Variants in TBXAS1 observed in about 807,000 individuals in gnomAD.
The protein encoded by TBXAS1 is thromboxane-A synthase.
In TBXAS1, 48 loss-of-function variants were observed where a neutral mutation model predicts 60.7. The ratio of observed to expected loss-of-function variants is 0.79; its 90% CI spans 0.63 to 1.01. The LOEUF (loss-of-function observed/expected upper bound fraction) is 1.01. Ranked by LOEUF, TBXAS1 falls within the 50% of genes least tolerant of loss-of-function variation. The pLI is 0.00. For synonymous variants in TBXAS1, 287 were observed against 269.7 expected, an observed-to-expected ratio of 1.06 and a Z score of -0.63; for missense variants, 685 against 686.3, an observed-to-expected ratio of 1.00 and a Z score of 0.02.
intron 6 of TBXAS1, 42 bp downstream of exon 6, chr7:139,953,498 T>A: frequency 6.4e-7 from 1 of 1,568,748 alleles, no homozygotes; most frequent in Non-Finnish European, 8.8e-7. Flanking sequence ...AGTTTTTGAA[T>A]CACTGCTTCT....
chr7:139,972,986 G>A (rs1811319433), intron 9 of TBXAS1, among the ~76,000 whole-genome samples: 2 of 152,148 alleles, frequency 1.3e-5, no homozygotes, highest in Non-Finnish European at 2.9e-5. Context: ...GTGAGTTACT[G>A]CGCCCAGCGA....
intron 3 of TBXAS1, among the ~76,000 whole-genome samples, chr7:139,785,195 T>C (rs2117230111): frequency 6.6e-6 from 1 of 152,256 alleles, no homozygotes; most frequent in South Asian, 2.1e-4. Flanking sequence ...GGCCGTGTCC[T>C]TCTCCCTTCA....
intron 6 of TBXAS1, among the ~76,000 whole-genome samples, chr7:139,954,016 G>GTT (rs927109085): frequency 6.8e-6 from 1 of 147,850 alleles, no homozygotes; most frequent in Non-Finnish European, 1.5e-5. Flanking sequence ...TTTTTTTGCA[G>GTT]TTTTTTTTTT....
chr7:139,822,067 G>T (rs1190452129), intron 4 of TBXAS1, among the ~76,000 whole-genome samples: 2 of 152,166 alleles, frequency 1.3e-5, no homozygotes, highest in South Asian at 4.1e-4. Flanking sequence ...AGGCAGTGTG[G>T]ACAGTTATCA....
intron 4 of TBXAS1, among the ~76,000 whole-genome samples, chr7:139,934,621 C>T (rs1465904145): frequency 6.6e-6 from 1 of 152,198 alleles, no homozygotes; most frequent in Non-Finnish European, 1.5e-5. Flanking sequence ...TGCTGGAGAT[C>T]AGAAGCCTGA....
Position 139,952,708 on chromosome 7 carries a change from A to C in TBXAS1, c.451-660A>C. 2.0e-6 allele frequency: 3 copies of C among 1,506,604 alleles called. No homozygotes were observed. In the South Asian group the frequency reaches 3.8e-5, roughly 19 times the overall value. The allele number at this position is 1,506,604 out of a possible 1,614,324, so 93.3% of individuals were successfully genotyped here. The stretch of plus-strand genomic sequence containing the variant: ...TTCTGTGTAAGTTAGGAATTTTCTA[A>C]CATAAAAGTATTTTCCTATTAAAAA... On this transcript the variant is annotated intron_variant, in intron 5 of 12. Transcript: ENST00000448866.
intron 9 of TBXAS1, among the ~76,000 whole-genome samples, chr7:139,997,241 G>A (rs891431458): frequency 2.6e-5 from 4 of 152,136 alleles, no homozygotes; most frequent in Non-Finnish European, 4.4e-5. Flanking sequence ...TGGGGTGAGT[G>A]AACAAAAGCA....
intron 4 of TBXAS1, among the ~76,000 whole-genome samples, chr7:139,935,141 C>G (rs1807650335): frequency 6.6e-6 from 1 of 152,244 alleles, no homozygotes; most frequent in African/African-American, 2.4e-5. Flanking sequence ...GACCTTATCT[C>G]CAAATACAGC....
chr7:139,852,983 C>CAA lies in TBXAS1; in HGVS notation c.90-19251_90-19250insAA, dbSNP rs1249294631. Among the ~76,000 whole-genome samples, 51 of 127,800 alleles carry CAA rather than the reference C, an allele frequency of 4.0e-4. No individual in the cohort carries two copies. The highest frequency in any genetic ancestry group is 1.9e-3 in the South Asian group (7 of 3,768). 83.8% of individuals were successfully genotyped at this position (127,800 alleles called of 152,430 possible). On this transcript the variant is annotated intron_variant, in intron 1 of 12. Coordinates refer to ENST00000448866, the MANE Select transcript of TBXAS1 (RefSeq NM_001061.7). This position sits in a 1 kb window ranked among gnomAD's most constrained non-coding sequence, Gnocchi z 4.4. ...ACACACACACACACACACACACACA[C>CAA]ACACACAGTTGGCCAAAGAAGCAAC... is the stretch of plus-strand genomic sequence containing the variant.
At chr7:140,017,036 C>A (rs1815137485) in intron 11 of TBXAS1, among the ~76,000 whole-genome samples, 1 of 152,384 alleles carries the variant, frequency 6.6e-6, no homozygotes, top group South Asian at 2.1e-4. Flanking sequence ...ACGCTGCAGG[C>A]AAATGCACTA....
chr7:139,901,058 G>A (rs1264826735), intron 3 of TBXAS1, among the ~76,000 whole-genome samples: 5 of 152,126 alleles, frequency 3.3e-5, no homozygotes, highest in Non-Finnish European at 7.3e-5. Context: ...AGATGTAGTG[G>A]GCAGACAAAA....
At chr7:139,830,745 C>T (rs1413943617) in intron 1 of TBXAS1, among the ~76,000 whole-genome samples, 1 of 152,088 alleles carries the variant, frequency 6.6e-6, no homozygotes, top group Non-Finnish European at 1.5e-5. Context: ...AATTAACCAT[C>T]TATCATCTAT....
chr7:139,955,034 T>C (rs1415779548), intron 6 of TBXAS1, among the ~76,000 whole-genome samples: 1 of 152,242 alleles, frequency 6.6e-6, no homozygotes, highest in Non-Finnish European at 1.5e-5. Flanking sequence ...CATTAGATTC[T>C]GGCCTGAGCT....
chr7:139,912,747 GA>G, intron 4 of TBXAS1, among the ~76,000 whole-genome samples: 1 of 152,240 alleles, frequency 6.6e-6, no homozygotes, highest in East Asian at 1.9e-4. Flanking sequence ...AGAAATTAGA[GA>G]AAGTCCCCCT....
intron 4 of TBXAS1, among the ~76,000 whole-genome samples, chr7:139,815,273 G>GCT (rs1798117360): frequency 6.6e-6 from 1 of 152,208 alleles, no homozygotes; most frequent in East Asian, 1.9e-4. Flanking sequence ...CAAACAGGGT[G>GCT]CTCTGCAAAG....
At chr7:139,951,842 A>AAG (rs1569518327) in intron 5 of TBXAS1, among the ~76,000 whole-genome samples, 14 of 36,822 alleles carry the variant, frequency 3.8e-4, no homozygotes, top group Non-Finnish European at 5.0e-4. Flanking sequence ...AAAGAAAGAA[A>AAG]GAAGGAAGGA....
intron 3 of TBXAS1, among the ~76,000 whole-genome samples, chr7:139,910,463 G>T (rs762820492): frequency 6.6e-6 from 1 of 151,954 alleles, no homozygotes; most frequent in African/African-American, 2.4e-5. Context: ...AAGGTGAAAC[G>T]CTGTCTCTAC....
chr7:139,784,182 CTT>C (rs1164204661), intron 3 of TBXAS1, among the ~76,000 whole-genome samples: 2 of 137,290 alleles, frequency 1.5e-5, no homozygotes, highest in Admixed American at 1.5e-4. Flanking sequence ...CCTTCTTTCT[CTT>C]TCTTTCTTTC....
At chr7:139,974,522 G>T (rs569975426) in intron 9 of TBXAS1, among the ~76,000 whole-genome samples, 2 of 152,196 alleles carry the variant, frequency 1.3e-5, no homozygotes, top group East Asian at 1.9e-4. Context: ...AGCACACGGG[G>T]CCCCTGAGCT....
Sources: gnomAD v4.1 joint callset for allele counts (sites outside exome capture counted in the v4.1 genomes callset) on GRCh38, gnomAD v4.1.1 for gene constraint, Gnocchi (gnomAD v3.1) non-coding constraint, MANE v1.5 for transcripts, NCBI Gene and HGNC (gene_info 2026-07-23, HGNC 2026-07-21) for gene names.